SLC4A4: variants seen among roughly 807,000 people sequenced by gnomAD.
SLC4A4 encodes electrogenic sodium bicarbonate cotransporter 1.
SLC4A4 carries 27 observed loss-of-function variants against 111.5 expected under a neutral mutation model. The ratio of observed to expected loss-of-function variants is 0.24; its 90% confidence interval spans 0.18 to 0.33. SLC4A4 has a LOEUF of 0.33. Ranked by LOEUF, SLC4A4 falls within the 10% of genes least tolerant of loss-of-function variation. The pLI is 1.00. For missense variants in SLC4A4, 909 were observed against 1,315.5 expected, an observed-to-expected ratio of 0.69 and a Z score of 4.78; for synonymous variants, 443 against 463.4, an observed-to-expected ratio of 0.96 and a Z score of 0.57.
chr4:71,145,570 C>G (rs1744140207), intron 2 of SLC4A4, among the ~76,000 whole-genome samples: 1 of 149,282 alleles, frequency 6.7e-6, no homozygotes, highest in African/African-American at 2.4e-5. Context: ...GTGAATCCAT[C>G]TGGTCCTGGA....
At chr4:71,412,390 G>A (rs1721434795) in intron 7 of SLC4A4, among the ~76,000 whole-genome samples, 1 of 152,158 alleles carries the variant, frequency 6.6e-6, no homozygotes, top group Non-Finnish European at 1.5e-5. Context: ...AGCTTGAAGG[G>A]TACAAGGCTC....
upstream of SLC4A4, among the ~76,000 whole-genome samples, chr4:71,182,999 G>A (rs1745340862): frequency 1.3e-5 from 2 of 152,192 alleles, no homozygotes; most frequent in Non-Finnish European, 1.5e-5. Context: ...TTATTAAACA[G>A]AGCTTTCGTA....
chr4:71,255,483 A>G (rs1215337529), intron 3 of SLC4A4, 84 bp downstream of exon 3: 1 of 1,322,470 alleles, frequency 7.6e-7, no homozygotes, highest in Non-Finnish European at 1.1e-6. Flanking sequence ...CTTGTGGCTA[A>G]AGGGGAGGGA....
rs113050232 is a variant in SLC4A4, at chr4:71,398,895, T to C, written c.807+1242T>C. Among the ~76,000 whole-genome samples the C allele has an allele frequency of 9.6e-3, 1,468 of 152,320 alleles. 26 individuals carry two copies. Among genetic ancestry groups the C allele is most frequent in the African/African-American group, 0.034 (1,412 of 41,576 alleles). ...TGGTTCTGGTTGGCTCCATGCTTGATATGCTAATTGTACAGTTAGTCCTCC... is the reference window on the plus strand; with the variant it reads ...TGGTTCTGGTTGGCTCCATGCTTGACATGCTAATTGTACAGTTAGTCCTCC... On this transcript the variant is annotated intron_variant, in intron 7 of 25. Coordinates refer to ENST00000264485, the MANE Select transcript of SLC4A4 (RefSeq NM_001098484.3).
intron 2 of SLC4A4, among the ~76,000 whole-genome samples, chr4:71,112,092 T>A (rs1486306671): frequency 6.6e-6 from 1 of 152,206 alleles, no homozygotes; most frequent in African/African-American, 2.4e-5. Context: ...TACAGATGAA[T>A]AAAATTTCAA....
intron 4 of SLC4A4, among the ~76,000 whole-genome samples, chr4:71,346,434 G>A (rs1729332182): frequency 7.2e-6 from 1 of 138,500 alleles, no homozygotes; most frequent in Admixed American, 7.3e-5. Context: ...GGAGATAGTG[G>A]CTTTTAGTAT....
At chr4:71,263,238 G>A (rs1410528217) in intron 3 of SLC4A4, among the ~76,000 whole-genome samples, 1 of 152,066 alleles carries the variant, frequency 6.6e-6, no homozygotes, top group African/African-American at 2.4e-5. Flanking sequence ...GATGTACTGT[G>A]TCTCAGCAAG....
chr4:71,353,361 GA>G (rs1730014438), intron 5 of SLC4A4, among the ~76,000 whole-genome samples: 2 of 152,150 alleles, frequency 1.3e-5, no homozygotes, highest in African/African-American at 4.8e-5. Context: ...TGATAATACA[GA>G]AAAACAGTTC....
intron 11 of SLC4A4, among the ~76,000 whole-genome samples, chr4:71,453,199 C>T (rs896274764): frequency 3.9e-5 from 6 of 152,186 alleles, no homozygotes; most frequent in South Asian, 4.2e-4. Flanking sequence ...CATATTAGGA[C>T]GTTTTTCTCT....
At chr4:71,295,147 A>T (rs910586733) in intron 3 of SLC4A4, among the ~76,000 whole-genome samples, 1 of 152,214 alleles carries the variant, frequency 6.6e-6, no homozygotes, top group African/African-American at 2.4e-5. Context: ...GGGAATGTAG[A>T]TCATTGGAGA....
intron 7 of SLC4A4, chr4:71,434,411 C>A: frequency 5.0e-6 from 1 of 198,576 alleles, no homozygotes; most frequent in Non-Finnish European, 1.1e-5. Context: ...AACTTTAAAG[C>A]TTGAGCTCCT....
At chr4:71,260,183 G>A (rs1003658518) in intron 3 of SLC4A4, among the ~76,000 whole-genome samples, 14 of 152,304 alleles carry the variant, frequency 9.2e-5, no homozygotes, top group African/African-American at 3.1e-4. Flanking sequence ...ATGGGCAGCT[G>A]CTTTTGTTTG....
intron 6 of SLC4A4, among the ~76,000 whole-genome samples, chr4:71,376,263 G>A (rs969833356): frequency 9.3e-5 from 14 of 151,160 alleles, no homozygotes; most frequent in South Asian, 2.1e-4. Context: ...GTGCAGTGGC[G>A]CGATATCGGC....
At chr4:71,153,025 ATG>A (rs71673464) in intron 2 of SLC4A4, among the ~76,000 whole-genome samples, 21 of 138,468 alleles carry the variant, frequency 1.5e-4, no homozygotes, top group Admixed American at 2.1e-4. Flanking sequence ...ATATAAATAT[ATG>A]TGTGTGTATA....
intron 7 of SLC4A4, among the ~76,000 whole-genome samples, chr4:71,440,014 G>A (rs972996028): frequency 1.3e-5 from 2 of 151,806 alleles, no homozygotes; most frequent in Non-Finnish European, 2.9e-5. Flanking sequence ...TTCTCACAAA[G>A]TCTTTGCATT....
intron 3 of SLC4A4, among the ~76,000 whole-genome samples, chr4:71,295,474 A>C (rs927847355): frequency 1.3e-5 from 2 of 152,224 alleles, no homozygotes; most frequent in Non-Finnish European, 2.9e-5. Context: ...GCAATCATAG[A>C]ACTGAATTCC....
At position 71,310,350 on chromosome 4, in the gene SLC4A4, T is replaced by G. The variant is rs1317034624; in HGVS notation, c.254-29020T>G. On this transcript the variant is annotated intron_variant, in intron 3 of 25. Coordinates refer to ENST00000264485, the MANE Select transcript of SLC4A4 (RefSeq NM_001098484.3). ...TACAAAGAACACTACTAAGATACTCTTCAAGAAGAGCAACCCCAAGACACA... is the reference window on the plus strand; with the variant it reads ...TACAAAGAACACTACTAAGATACTCGTCAAGAAGAGCAACCCCAAGACACA... Among the ~76,000 whole-genome samples, 3 of 152,008 alleles carry G rather than the reference T, an allele frequency of 2.0e-5. No homozygotes were observed. In the East Asian group the frequency reaches 5.8e-4, roughly 30 times the overall value.
At chr4:71,086,408 C>T (rs1578464584) in intron 1 of SLC4A4, among the ~76,000 whole-genome samples, 1 of 151,916 alleles carries the variant, frequency 6.6e-6, no homozygotes, top group Non-Finnish European at 1.5e-5. Context: ...CTTTCTCCTG[C>T]CTGATTGCCC....
chr4:71,144,718 G>A (rs2148968306), intron 2 of SLC4A4, among the ~76,000 whole-genome samples: 1 of 152,064 alleles, frequency 6.6e-6, no homozygotes, highest in East Asian at 1.9e-4. Flanking sequence ...AATTATGAAT[G>A]GGAGTTCACT....
Sources: gnomAD v4.1 joint callset for allele counts (sites outside exome capture counted in the v4.1 genomes callset) on GRCh38, gnomAD v4.1.1 for gene constraint, MANE v1.5 for transcripts, NCBI Gene and HGNC (gene_info 2026-07-23, HGNC 2026-07-21) for gene names.